The following HTRA3 variants were observed in gnomAD, a reference collection of about 807,000 sequenced individuals.
HTRA3 encodes the protein HtrA serine peptidase 3.
Under a neutral mutation model 43.2 loss-of-function variants are expected in HTRA3, and 41 were observed. That is an observed-to-expected ratio of 0.95 (90% CI 0.74 to 1.23). The LOEUF is 1.23. HTRA3 is among the 50% of genes most tolerant of loss of function. The pLI, the probability that HTRA3 is intolerant of heterozygous loss-of-function variation, is 0.00. For synonymous variants in HTRA3, 295 were observed against 287.9 expected, an observed-to-expected ratio of 1.02 and a Z score of -0.25; for missense variants, 628 against 647.1, an observed-to-expected ratio of 0.97 and a Z score of 0.32.
At position 8,305,994 on chromosome 4, in the gene HTRA3, T is replaced by C; in HGVS notation, c.1220T>C (p.Ile407Thr). 1 of 1,611,054 alleles carries C rather than the reference T, an allele frequency of 6.2e-7. No homozygotes were observed. Among genetic ancestry groups the C allele is most frequent in the Non-Finnish European group, 8.5e-7 (1 of 1,179,342 alleles). The change falls in exon 9 of 9, where the codon ATC becomes ACC. Residue 407 changes from isoleucine to threonine, a missense_variant. By Grantham distance (89) the Ile-to-Thr change is moderately conservative. Coordinates refer to ENST00000307358, the MANE Select transcript of HTRA3 (RefSeq NM_053044.5). ...AGAGGCGGCATCCAAGATGGTGACA[T>C]CATCGTCAAGGTCAACGGGCGTCCT... ...SQRGGIQDGD[I>T]IVKVNGRPLV...
rs1312050307 is a variant in HTRA3, at chr4:8,296,555, C to T, written c.1051+2354C>T. ...TGTTAAGTGCATTTATTATTCTCGT[C>T]TGGAGGTGGGGTGCAGAGGCCTCTG... On this transcript the variant is annotated intron_variant, in intron 6 of 8. Coordinates refer to ENST00000307358, the MANE Select transcript of HTRA3 (RefSeq NM_053044.5). This position sits in a 1 kb window ranked among gnomAD's most constrained non-coding sequence, Gnocchi z 5.3. 1.0e-6 allele frequency: 1 copy of T among 984,250 alleles called. No homozygotes were observed. Among genetic ancestry groups the T allele is most frequent in the Non-Finnish European group, 1.2e-6 (1 of 829,032 alleles). The allele number at this position is 984,250 out of a possible 1,614,324, so 61.0% of individuals were successfully genotyped here.
intron 1 of HTRA3, among the ~76,000 whole-genome samples, chr4:8,272,205 G>A (rs1029112529): frequency 6.6e-6 from 1 of 152,228 alleles, no homozygotes; most frequent in Non-Finnish European, 1.5e-5. Flanking sequence ...ACTGACTTCT[G>A]GAGTTCGCGT....
At chr4:8,281,279 G>A (rs1011160838) in intron 1 of HTRA3, among the ~76,000 whole-genome samples, 4 of 152,164 alleles carry the variant, frequency 2.6e-5, no homozygotes, top group African/African-American at 4.8e-5. Flanking sequence ...CCCCATGCCC[G>A]GCCACTTCCC....
intron 6 of HTRA3, among the ~76,000 whole-genome samples, chr4:8,300,193 A>G (rs1357941775): frequency 1.3e-5 from 2 of 152,112 alleles, no homozygotes; most frequent in African/African-American, 4.8e-5. Context: ...GAATTTTTGT[A>G]TCTGTTTTCA....
Position 8,306,094 on chromosome 4 carries a change from C to T in HTRA3, c.1320C>T (p.Asn440=), listed in dbSNP as rs770365561. The T allele has an allele frequency of 1.6e-5, 25 of 1,606,552 alleles. No homozygotes were observed. Among genetic ancestry groups the T allele is most frequent in the South Asian group, 9.9e-5 (9 of 90,546 alleles). The change falls in exon 9 of 9, where the codon AAC becomes AAT. Residue 440 remains asparagine, a synonymous_variant. Coordinates refer to ENST00000307358, the MANE Select transcript of HTRA3 (RefSeq NM_053044.5). This position sits in a 1 kb window ranked among gnomAD's most constrained non-coding sequence, Gnocchi z 8.9. ...SPLLLEVRRG[N]DDLLFSIAPE... is the part of the protein sequence containing the mutation. The stretch of plus-strand genomic sequence containing the variant: ...TCCTACTGGAGGTGCGGCGGGGGAA[C>T]GACGACCTCCTCTTCAGCATCGCAC...
intron 2 of HTRA3, among the ~76,000 whole-genome samples, chr4:8,284,450 T>C (rs1712880052): frequency 6.6e-6 from 1 of 152,144 alleles, no homozygotes; most frequent in African/African-American, 2.4e-5. Context: ...TCTGAGTGGG[T>C]GGGTGAGACC....
chr4:8,303,891 T>C (rs1713747114), intron 7 of HTRA3, among the ~76,000 whole-genome samples: 1 of 152,088 alleles, frequency 6.6e-6, no homozygotes, highest in African/African-American at 2.4e-5. Context: ...TCCAGCATCA[T>C]TCCTTCATTC....
At chr4:8,280,304 C>T (rs1712691867) in intron 1 of HTRA3, among the ~76,000 whole-genome samples, 1 of 152,156 alleles carries the variant, frequency 6.6e-6, no homozygotes. Context: ...AGTCCTCCCT[C>T]CTGGAGGGAG....
In HTRA3 at chr4:8,282,427, G is replaced by T. The variant is rs369408374; in HGVS notation, c.386-10G>T. 1 of 1,608,606 alleles carries T rather than the reference G, an allele frequency of 6.2e-7. No individual in the cohort carries two copies. The stretch of plus-strand genomic sequence containing the variant: ...CTCACTGATGCACCTGGCCCTTCCC[G>T]CCAGCGCAGGTCTCCACCAGCTGAG... On this transcript the variant is annotated splice_polypyrimidine_tract_variant and intron_variant, in intron 1 of 8. Transcript: ENST00000307358.
intron 2 of HTRA3, among the ~76,000 whole-genome samples, chr4:8,283,938 C>T (rs995861940): frequency 4.6e-5 from 7 of 152,228 alleles, no homozygotes; most frequent in African/African-American, 7.2e-5. Flanking sequence ...GTCCAAGCCC[C>T]TGTCACTAGG....
chr4:8,270,486 G>A, intron 1 of HTRA3, 133 bp downstream of exon 1: 1 of 1,022,222 alleles, frequency 9.8e-7, no homozygotes, highest in Non-Finnish European at 1.3e-6. Context: ...CATCCCACCA[G>A]CCCTCTGGTC....
chr4:8,283,969 C>G (rs184948190), intron 2 of HTRA3, among the ~76,000 whole-genome samples: 11 of 152,342 alleles, frequency 7.2e-5, no homozygotes, highest in Non-Finnish European at 1.3e-4. Flanking sequence ...CCTCTGCCCT[C>G]CCCATCCCGG....
chr4:8,277,032 G>T (rs1229113832), intron 1 of HTRA3, among the ~76,000 whole-genome samples: 4 of 152,232 alleles, frequency 2.6e-5, no homozygotes, highest in Non-Finnish European at 4.4e-5. Context: ...GCCCGTGGAG[G>T]GGGAGGCAGC....
At position 8,295,908 on chromosome 4, in the gene HTRA3, A is replaced by T; in HGVS notation, c.1051+1707A>T. 1 of 1,232,184 alleles carries T rather than the reference A, an allele frequency of 8.1e-7. No homozygotes were observed. 76.3% of individuals were successfully genotyped at this position (1,232,184 alleles called of 1,614,324 possible). A position where few individuals can be genotyped will look rare whatever the true frequency, so the allele number is the denominator to read the frequency against. On this transcript the variant is annotated intron_variant, in intron 6 of 8. Transcript: ENST00000307358. The surrounding 1 kb of genome is among the most constrained non-coding windows in gnomAD (Gnocchi z 6.9). The stretch of plus-strand genomic sequence containing the variant: ...AGCCAGGCAGAGCCTGTCTTTCCCA[A>T]AGAAGCTGAAGTCTTCTTCTCTTGA...
chr4:8,300,258 T>G (rs981521024), intron 6 of HTRA3, among the ~76,000 whole-genome samples: 1 of 152,250 alleles, frequency 6.6e-6, no homozygotes, highest in African/African-American at 2.4e-5. Flanking sequence ...ATAAGGAGGT[T>G]AGAAGTAGCC....
At chr4:8,289,507 G>A (rs759858984) in intron 3 of HTRA3, among the ~76,000 whole-genome samples, 1 of 152,186 alleles carries the variant, frequency 6.6e-6, no homozygotes, top group Non-Finnish European at 1.5e-5. Context: ...CTCCCCTTCC[G>A]GCGGCTGTGG....
At position 8,292,353 on chromosome 4, in the gene HTRA3, G is replaced by C. The variant is rs757372580; in HGVS notation, c.936G>C (p.Leu312=). 1 of 1,612,862 alleles carries C rather than the reference G, an allele frequency of 6.2e-7. No homozygotes were observed. The highest frequency in any genetic ancestry group is 1.7e-5 in the Admixed American group (1 of 59,952). Reference sequence around the variant, plus strand: ...ACTCCGGGGGACCACTGGTGAACCTGGTAAGTGTCCCCTAGAGCCAAAATC... The same window carrying C: ...ACTCCGGGGGACCACTGGTGAACCTCGTAAGTGTCCCCTAGAGCCAAAATC... ...YGNSGGPLVN[L]DGEVIGINTL... The change falls in exon 5 of 9, where the codon CTG becomes CTC. Residue 312 remains leucine (L), a splice_region_variant and synonymous_variant. Transcript: ENST00000307358.
At chr4:8,289,216 T>A (rs1172468501) in intron 3 of HTRA3, among the ~76,000 whole-genome samples, 1 of 152,108 alleles carries the variant, frequency 6.6e-6, no homozygotes, top group Admixed American at 6.5e-5. Context: ...TCCCAAAGTG[T>A]TGGGATTACA....
At chr4:8,272,950 G>C (rs926958772) in intron 1 of HTRA3, among the ~76,000 whole-genome samples, 6 of 151,806 alleles carry the variant, frequency 4.0e-5, no homozygotes, top group Non-Finnish European at 7.4e-5. Flanking sequence ...TGGACAGCCA[G>C]CTTTCGGCAG....
Sources: allele counts gnomAD v4.1 joint callset (sites outside exome capture counted in the v4.1 genomes callset), GRCh38; gene constraint gnomAD v4.1.1; non-coding constraint Gnocchi (gnomAD v3.1); transcripts MANE v1.5; gene names NCBI Gene and HGNC (gene_info 2026-07-23, HGNC 2026-07-21).